ANO3: variants seen among roughly 807,000 people sequenced by gnomAD.
ANO3 encodes the protein anoctamin 3.
Under a neutral mutation model 144.8 loss-of-function variants are expected in ANO3, and 99 were observed. That is an observed-to-expected ratio of 0.68 (90% CI 0.58 to 0.81). The LOEUF (loss-of-function observed/expected upper bound fraction) is 0.81. ANO3 is among the 30% of genes least tolerant of loss of function. The pLI is 0.00. For synonymous variants in ANO3, 414 were observed against 392.6 expected, an observed-to-expected ratio of 1.05 and a Z score of -0.64; for missense variants, 905 against 1,202.2, an observed-to-expected ratio of 0.75 and a Z score of 3.66.
intron 1 of ANO3, among the ~76,000 whole-genome samples, chr11:26,374,299 C>T (rs1171816567): frequency 2.0e-5 from 3 of 152,242 alleles, no homozygotes; most frequent in South Asian, 2.1e-4. Context: ...GCAGCTGAAA[C>T]GTAATACACA....
intron 24 of ANO3, among the ~76,000 whole-genome samples, chr11:26,653,057 C>T (rs117957705): frequency 0.015 from 2,301 of 152,362 alleles, 19 homozygotes; most frequent in Non-Finnish European, 0.024. Context: ...TCCCCAAGGG[C>T]TCAATCTATG....
intron 14 of ANO3, among the ~76,000 whole-genome samples, chr11:26,589,569 A>G (rs1169797361): frequency 6.6e-6 from 1 of 152,154 alleles, no homozygotes; most frequent in Admixed American, 6.5e-5. Flanking sequence ...AGAAGAAAGC[A>G]GGTCCCTGTT....
At chr11:26,484,594 A>G (rs7117379) in intron 4 of ANO3, among the ~76,000 whole-genome samples, 344 of 152,278 alleles carry the variant, frequency 2.3e-3, no homozygotes, top group African/African-American at 7.6e-3. Flanking sequence ...TGGAGGGGAA[A>G]TGTGGGGTTG....
chr11:26,189,755 T>C (rs1051740757), intron 1 of ANO3, among the ~76,000 whole-genome samples: 2 of 152,180 alleles, frequency 1.3e-5, no homozygotes, highest in Admixed American at 6.5e-5. Flanking sequence ...GGATAATATA[T>C]TATTTATGTT....
At chr11:26,200,231 G>A (rs905245870) in intron 1 of ANO3, among the ~76,000 whole-genome samples, 8 of 152,138 alleles carry the variant, frequency 5.3e-5, no homozygotes, top group African/African-American at 9.7e-5. Flanking sequence ...TAAAAATTTA[G>A]TTCATTTTAT....
chr11:26,613,762 A>G (rs1390384824), intron 17 of ANO3, among the ~76,000 whole-genome samples: 2 of 152,140 alleles, frequency 1.3e-5, no homozygotes, highest in African/African-American at 4.8e-5. Context: ...GATGTCTGTG[A>G]TATTGTCTCA....
chr11:26,613,167 T>C (rs116927257), intron 17 of ANO3, among the ~76,000 whole-genome samples: 2,377 of 152,294 alleles, frequency 0.016, 23 homozygotes, highest in Non-Finnish European at 0.024. Context: ...TTCATAAGTC[T>C]CATACACTTT....
At chr11:26,536,440 A>G (rs1379197269) in intron 9 of ANO3, among the ~76,000 whole-genome samples, 2 of 152,088 alleles carry the variant, frequency 1.3e-5, no homozygotes, top group African/African-American at 2.4e-5. Flanking sequence ...CATTATAAAT[A>G]ATTATAAGGG....
intron 7 of ANO3, among the ~76,000 whole-genome samples, chr11:26,527,351 C>G (rs561759504): frequency 1.3e-5 from 2 of 152,124 alleles, no homozygotes; most frequent in East Asian, 1.9e-4. Flanking sequence ...ATCATTTATT[C>G]CAAATGATTA....
chr11:26,200,149 C>T (rs1409244645), intron 1 of ANO3, among the ~76,000 whole-genome samples: 2 of 152,110 alleles, frequency 1.3e-5, no homozygotes, highest in South Asian at 2.1e-4. Context: ...GAAACAGAGC[C>T]GAGATTGCTT....
intron 18 of ANO3, among the ~76,000 whole-genome samples, chr11:26,630,308 G>A (rs1852734432): frequency 6.6e-6 from 1 of 152,138 alleles, no homozygotes. Context: ...AGTATTATTT[G>A]TCTTCACTGG....
intron 1 of ANO3, among the ~76,000 whole-genome samples, chr11:26,266,224 G>A (rs1853303888): frequency 6.6e-6 from 1 of 151,876 alleles, no homozygotes; most frequent in African/African-American, 2.4e-5. Flanking sequence ...ACAGCATTCA[G>A]TTTCTCAGAG....
chr11:26,527,723 A>G (rs1221479181), intron 7 of ANO3, among the ~76,000 whole-genome samples: 2 of 152,176 alleles, frequency 1.3e-5, no homozygotes, highest in East Asian at 3.9e-4. Context: ...CTTCTCCAGC[A>G]GGTTGAAAGG....
chr11:26,602,566 A>T (rs980462571), intron 17 of ANO3, among the ~76,000 whole-genome samples: 3 of 147,140 alleles, frequency 2.0e-5, no homozygotes, highest in African/African-American at 7.5e-5. Flanking sequence ...ATTGCTACAA[A>T]AGTTTTTTTT....
At chr11:26,237,119 G>A (rs939364290) in intron 1 of ANO3, among the ~76,000 whole-genome samples, 4 of 151,856 alleles carry the variant, frequency 2.6e-5, no homozygotes, top group African/African-American at 4.8e-5. Context: ...TCCAACTCCC[G>A]GAGTATTGTC....
chr11:26,423,941 T>A (rs1857836514), intron 1 of ANO3, among the ~76,000 whole-genome samples: 1 of 152,054 alleles, frequency 6.6e-6, no homozygotes, highest in Non-Finnish European at 1.5e-5. Flanking sequence ...CTCTCCTAGT[T>A]TCATTTCCCA....
rs1340811892 is a variant in ANO3 at position 26,553,171 on chromosome 11, G to T, written c.1290-78G>T. 2.8e-5 allele frequency: 29 copies of T among 1,030,492 alleles called. No individual in the cohort carries two copies. The South Asian group carries it at 3.2e-4, about 11-fold the overall frequency. The allele number at this position is 1,030,492 out of a possible 1,614,324, so 63.8% of individuals were successfully genotyped here. On this transcript the variant is annotated intron_variant, in intron 12 of 26. Coordinates refer to ENST00000256737, the MANE Select transcript of ANO3 (RefSeq NM_031418.4). ...TGCCTTGCTGGTTCCAACAGGATTT[G>T]CTGTAGGGGCTAAGTGAATTCTTAG... is the stretch of plus-strand genomic sequence containing the variant.
intron 1 of ANO3, among the ~76,000 whole-genome samples, chr11:26,266,258 A>C (rs775048102): frequency 2.6e-5 from 4 of 151,974 alleles, no homozygotes; most frequent in Non-Finnish European, 5.9e-5. Flanking sequence ...CTCATTCATC[A>C]CTTCTCCTTT....
chr11:26,527,721 G>A (rs899164953), intron 7 of ANO3, among the ~76,000 whole-genome samples: 6 of 152,122 alleles, frequency 3.9e-5, no homozygotes, highest in African/African-American at 1.4e-4. Context: ...CCCTTCTCCA[G>A]CAGGTTGAAA....
Sources: allele counts gnomAD v4.1 joint callset (sites outside exome capture counted in the v4.1 genomes callset), GRCh38; gene constraint gnomAD v4.1.1; transcripts MANE v1.5; gene names NCBI Gene and HGNC (gene_info 2026-07-23, HGNC 2026-07-21).